TMEM117: variants seen among roughly 807,000 people sequenced by gnomAD.
TMEM117 encodes transmembrane protein 117.
Under a neutral mutation model 52.4 loss-of-function variants are expected in TMEM117, and 27 were observed. The observed-to-expected ratio is 0.51, with a 90% CI of 0.38 to 0.71. The LOEUF is 0.71. Ranked by LOEUF, TMEM117 falls within the 30% of genes least tolerant of loss-of-function variation. The probability of loss-of-function intolerance (pLI) is 0.00; values close to 1 mark genes in which losing one functional copy is unlikely to be tolerated. For missense variants in TMEM117, 556 were observed against 630.5 expected (o/e 0.88, Z 1.26); for synonymous variants, 215 against 206.3 (o/e 1.04, Z -0.36).
chr12:44,180,421 T>C (rs1430822151), intron 4 of TMEM117, among the ~76,000 whole-genome samples: 1 of 151,566 alleles, frequency 6.6e-6, no homozygotes, highest in Non-Finnish European at 1.5e-5. Flanking sequence ...GTTACATATG[T>C]ATACATGTGC....
chr12:43,879,453 A>G (rs1482961758), intron 2 of TMEM117, among the ~76,000 whole-genome samples: 6 of 152,230 alleles, frequency 3.9e-5, no homozygotes, highest in South Asian at 2.1e-4. Flanking sequence ...GCAAACTTAT[A>G]TGTCTTCTCA....
At chr12:44,048,669 C>T (rs1049977312) in intron 3 of TMEM117, among the ~76,000 whole-genome samples, 1 of 152,116 alleles carries the variant, frequency 6.6e-6, no homozygotes, top group African/African-American at 2.4e-5. Flanking sequence ...TGTTCAACTC[C>T]TAGTAAGTTA....
chr12:44,264,835 T>C (rs113434768), intron 5 of TMEM117, among the ~76,000 whole-genome samples: 4 of 152,256 alleles, frequency 2.6e-5, no homozygotes, highest in African/African-American at 7.2e-5. Flanking sequence ...AACTAGCATA[T>C]ACTACAGCTT....
chr12:44,050,501 G>T (rs1946953825), intron 3 of TMEM117, among the ~76,000 whole-genome samples: 1 of 152,190 alleles, frequency 6.6e-6, no homozygotes, highest in East Asian at 1.9e-4. Context: ...TCTTAAGCAG[G>T]TCAGAACTTT....
chr12:43,812,100 T>A, the TMEM117 span, among the ~76,000 whole-genome samples: 1 of 152,150 alleles, frequency 6.6e-6, no homozygotes, highest in Non-Finnish European at 1.5e-5. Flanking sequence ...AAGTTTAAGA[T>A]TCTATCTGTT....
At position 44,126,935 on chromosome 12, in the gene TMEM117, T is replaced by C. The variant is rs118089757; in HGVS notation, c.411-16590T>C. Among the ~76,000 whole-genome samples, 793 of 152,348 alleles carry C rather than the reference T, an allele frequency of 5.2e-3. 5 individuals are homozygous for C. The highest frequency in any genetic ancestry group is 8.7e-3 in the Non-Finnish European group (591 of 68,012). Reference sequence around the variant, plus strand: ...AAAAAGAGAGCCATGTAGTTCTGTGTTGCAACAAAATTCATGGATTAAGGC... The same window carrying C: ...AAAAAGAGAGCCATGTAGTTCTGTGCTGCAACAAAATTCATGGATTAAGGC... On this transcript the variant is annotated intron_variant, in intron 3 of 7. Coordinates refer to ENST00000266534, the MANE Select transcript of TMEM117 (RefSeq NM_032256.3).
At chr12:43,836,988 C>G (rs1354134207) in intron 1 of TMEM117, among the ~76,000 whole-genome samples, 2 of 152,168 alleles carry the variant, frequency 1.3e-5, no homozygotes, top group Admixed American at 1.3e-4. Context: ...GTTTTGGCTT[C>G]AGAAACAAGG....
intron 3 of TMEM117, among the ~76,000 whole-genome samples, chr12:44,025,591 A>T (rs1442480863): frequency 1.3e-5 from 2 of 152,222 alleles, no homozygotes; most frequent in African/African-American, 4.8e-5. Flanking sequence ...AAGTTTAGGA[A>T]CATGTAGTAA....
At chr12:44,365,116 T>C (rs1309581670) in intron 6 of TMEM117, among the ~76,000 whole-genome samples, 1 of 152,040 alleles carries the variant, frequency 6.6e-6, no homozygotes, top group Non-Finnish European at 1.5e-5. Context: ...ATCTATGCAT[T>C]GGCAGTAAAA....
At chr12:44,087,407 G>A (rs1331206280) in intron 3 of TMEM117, among the ~76,000 whole-genome samples, 1 of 151,790 alleles carries the variant, frequency 6.6e-6, no homozygotes, top group Non-Finnish European at 1.5e-5. Flanking sequence ...AATTTGCAGT[G>A]TTTTTTTCTT....
chr12:44,380,580 G>T (rs114324061), intron 7 of TMEM117, among the ~76,000 whole-genome samples: 3 of 152,100 alleles, frequency 2.0e-5, no homozygotes, highest in Non-Finnish European at 4.4e-5. Context: ...GGTCCTCATC[G>T]AGTTCCTTAG....
At chr12:44,258,495 T>G (rs1950285321) in intron 5 of TMEM117, among the ~76,000 whole-genome samples, 1 of 152,004 alleles carries the variant, frequency 6.6e-6, no homozygotes, top group Non-Finnish European at 1.5e-5. Flanking sequence ...CATTAAAGCA[T>G]CACCAGGAAA....
At chr12:44,244,833 GTTTA>G (rs1181944118) in intron 5 of TMEM117, among the ~76,000 whole-genome samples, 2 of 151,836 alleles carry the variant, frequency 1.3e-5, no homozygotes, top group Admixed American at 6.6e-5. Context: ...CAGGTCTTAG[GTTTA>G]AGTCTTTAAC....
intron 6 of TMEM117, among the ~76,000 whole-genome samples, chr12:44,371,987 A>G (rs905393663): frequency 6.6e-6 from 1 of 152,242 alleles, no homozygotes; most frequent in Non-Finnish European, 1.5e-5. Context: ...TGTTTGTCAT[A>G]TATGAAGCAA....
chr12:43,944,795 C>A (rs964149824), intron 3 of TMEM117, among the ~76,000 whole-genome samples: 1 of 151,922 alleles, frequency 6.6e-6, no homozygotes, highest in African/African-American at 2.4e-5. Context: ...GAGAGAGAGA[C>A]CTTTGTTATA....
intron 3 of TMEM117, among the ~76,000 whole-genome samples, chr12:44,012,838 CTG>C (rs1946315374): frequency 6.6e-6 from 1 of 152,188 alleles, no homozygotes; most frequent in East Asian, 1.9e-4. Flanking sequence ...TTTTTTCAAA[CTG>C]GGGTTTTTGC....
Position 44,150,409 on chromosome 12 carries a change from G to A in TMEM117, c.510+6785G>A, listed in dbSNP as rs149872355. Among the ~76,000 whole-genome samples the A allele has an allele frequency of 9.0e-4, 137 of 152,172 alleles. 1 individual carries two copies. Among genetic ancestry groups the A allele is most frequent in the African/African-American group, 3.2e-3 (131 of 41,526 alleles). On this transcript the variant is annotated intron_variant, in intron 4 of 7. Transcript: ENST00000266534. ...CTGATCTCCTGGGACTGTGCTCTTGGGCAATGGAGTGCTCCAGTAGGTCAA... is the reference window on the plus strand; with the variant it reads ...CTGATCTCCTGGGACTGTGCTCTTGAGCAATGGAGTGCTCCAGTAGGTCAA...
At chr12:44,330,135 T>G (rs1951249407) in intron 6 of TMEM117, among the ~76,000 whole-genome samples, 1 of 152,066 alleles carries the variant, frequency 6.6e-6, no homozygotes, top group African/African-American at 2.4e-5. Context: ...TTCCAATTTC[T>G]CCACATCCTC....
intron 5 of TMEM117, among the ~76,000 whole-genome samples, chr12:44,236,284 C>T (rs898431531): frequency 4.6e-5 from 7 of 151,500 alleles, no homozygotes; most frequent in African/African-American, 1.7e-4. Context: ...TTGTGTATGC[C>T]CTATTCTCTG....
Sources: gnomAD v4.1 joint callset for allele counts (sites outside exome capture counted in the v4.1 genomes callset) on GRCh38, gnomAD v4.1.1 for gene constraint, MANE v1.5 for transcripts, NCBI Gene and HGNC (gene_info 2026-07-23, HGNC 2026-07-21) for gene names.